EML5: variants seen among roughly 807,000 people sequenced by gnomAD.
EML5 encodes the protein echinoderm microtubule-associated protein-like 5.
Under a neutral mutation model 250.0 loss-of-function variants are expected in EML5, and 120 were observed. The ratio of observed to expected loss-of-function variants is 0.48; its 90% confidence interval spans 0.41 to 0.56. The LOEUF (loss-of-function observed/expected upper bound fraction) is 0.56, where lower values mean the gene tolerates loss of function less well. Among genes scored for constraint, EML5 ranks in the 20% least tolerant of loss-of-function variants. The pLI, the probability that EML5 is intolerant of heterozygous loss-of-function variation, is 0.00. For synonymous variants in EML5, 771 were observed against 806.5 expected (o/e 0.96, Z 0.75); for missense variants, 2,006 against 2,437.6 (o/e 0.82, Z 3.73).
At chr14:88,715,353 G>A (rs946025894) in intron 8 of EML5, among the ~76,000 whole-genome samples, 158 bp from the exon 9 acceptor site, 4 of 152,062 alleles carry the variant, frequency 2.6e-5, no homozygotes, top group Admixed American at 6.6e-5. Context: ...GCAACAATAC[G>A]TTGCTGAACA....
intron 19 of EML5, among the ~76,000 whole-genome samples, chr14:88,686,788 G>A (rs2092843259): frequency 6.6e-6 from 1 of 152,090 alleles, no homozygotes; most frequent in South Asian, 2.1e-4. Flanking sequence ...TCCAGCCTGG[G>A]CAGCACAGCA....
intron 22 of EML5, 70 bp downstream of exon 22, chr14:88,665,267 T>G: frequency 6.9e-7 from 1 of 1,455,260 alleles, no homozygotes; most frequent in Non-Finnish European, 9.2e-7. Context: ...TTAATAAAAA[T>G]TATACATTGA....
intron 32 of EML5, 83 bp from the exon 33 acceptor site, chr14:88,634,572 AACT>A (rs2090616783): frequency 1.3e-6 from 1 of 792,598 alleles, no homozygotes; most frequent in East Asian, 3.2e-5. Flanking sequence ...TTATAATTTA[AACT>A]ATTATATACA....
intron 8 of EML5, among the ~76,000 whole-genome samples, chr14:88,718,180 T>C (rs573483328): frequency 6.6e-6 from 1 of 152,234 alleles, no homozygotes. Context: ...GAGTTCAGTT[T>C]TGGAAATGCT....
At chr14:88,664,671 C>T (rs779784500) in intron 22 of EML5, 47 bp from the exon 23 acceptor site, 2 of 1,567,376 alleles carry the variant, frequency 1.3e-6, no homozygotes, top group Middle Eastern at 3.5e-4. Flanking sequence ...TTTGGAAATA[C>T]TTTTTTACAC....
At chr14:88,706,509 G>T in intron 10 of EML5, 83 bp from the exon 11 acceptor site, 5 of 1,003,954 alleles carry the variant, frequency 5.0e-6, no homozygotes, top group Non-Finnish European at 5.4e-6. Flanking sequence ...ATGAACCACT[G>T]TATCATCCTT....
At chr14:88,771,966 T>C (rs1373132180) in intron 1 of EML5, among the ~76,000 whole-genome samples, 1 of 152,156 alleles carries the variant, frequency 6.6e-6, no homozygotes, top group Non-Finnish European at 1.5e-5. Flanking sequence ...TTTAAATGCA[T>C]ATAGACTGTG....
chr14:88,661,400 T>C (rs1249384736), intron 25 of EML5, among the ~76,000 whole-genome samples: 1 of 152,216 alleles, frequency 6.6e-6, no homozygotes, highest in African/African-American at 2.4e-5. Flanking sequence ...CCAGCCAAGA[T>C]GTTTCTTGTA....
chr14:88,741,375 T>C (rs1342322995), intron 4 of EML5, among the ~76,000 whole-genome samples: 1 of 152,200 alleles, frequency 6.6e-6, no homozygotes, highest in Non-Finnish European at 1.5e-5. Flanking sequence ...AGCTGAGCAA[T>C]TGCTTTGCTT....
chr14:88,721,748 A>C (rs1375338821), intron 8 of EML5, among the ~76,000 whole-genome samples: 2 of 152,210 alleles, frequency 1.3e-5, no homozygotes, highest in African/African-American at 4.8e-5. Flanking sequence ...CAGCTGCAAC[A>C]AAACAAAAAT....
rs777055920 is a variant in EML5, at chr14:88,688,334, G to T, written c.2679C>A (p.Ile893=). The change falls in exon 18 of 44, where the codon ATC becomes ATA. Residue 893 remains isoleucine, a synonymous_variant. Transcript: ENST00000554922. ...GCGCTTTCACTGTTTTTACAAGAAA[G>T]ATGTCTCTCCAGATACACACATCTC... ...STGDVCIWRD[I]FLVKTVKAHD... is the part of the protein sequence containing the mutation. The T allele has an allele frequency of 1.2e-5, 19 of 1,613,942 alleles. No individual in the cohort carries two copies. The highest frequency in any genetic ancestry group is 1.5e-5 in the Non-Finnish European group (18 of 1,179,890).
rs370461834 is a variant in EML5 at position 88,763,536 on chromosome 14, C to T, written c.198-8865G>A. Among the ~76,000 whole-genome samples the T allele has an allele frequency of 2.0e-5, 3 of 152,090 alleles. No homozygotes were observed. The South Asian group carries it at 6.2e-4, about 32-fold the overall frequency. On this transcript the variant is annotated intron_variant, in intron 1 of 43. Transcript: ENST00000554922. Reference sequence around the variant, plus strand: ...TAATAGCCTACCAACCAAAAAAAAGCCCAGGACCAGACAGATTCACAGCCG... The same window carrying T: ...TAATAGCCTACCAACCAAAAAAAAGTCCAGGACCAGACAGATTCACAGCCG...
chr14:88,707,741 A>C (rs369220629), intron 10 of EML5, among the ~76,000 whole-genome samples: 6 of 152,136 alleles, frequency 3.9e-5, no homozygotes, highest in African/African-American at 7.2e-5. Flanking sequence ...TTTAGGAATA[A>C]ATTTTTTATG....
chr14:88,736,289 G>A, intron 7 of EML5, 75 bp downstream of exon 7: 1 of 1,537,668 alleles, frequency 6.5e-7, no homozygotes, highest in Non-Finnish European at 8.9e-7. Flanking sequence ...GTGAGCCACA[G>A]TGCCTGGCCA....
chr14:88,755,910 G>T (rs1010407236), intron 1 of EML5, among the ~76,000 whole-genome samples: 1 of 152,164 alleles, frequency 6.6e-6, no homozygotes, highest in African/African-American at 2.4e-5. Context: ...GAGGTGAGAA[G>T]ATCGCTTGAA....
intron 39 of EML5, chr14:88,619,458 G>C (rs1419892934): frequency 6.6e-6 from 1 of 152,204 alleles, no homozygotes; most frequent in Non-Finnish European, 1.5e-5. Flanking sequence ...TTCCCCCTTG[G>C]CCTCCCAAGG....
At chr14:88,774,385 T>C (rs1463151528) in intron 1 of EML5, among the ~76,000 whole-genome samples, 3 of 152,214 alleles carry the variant, frequency 2.0e-5, no homozygotes, top group African/African-American at 4.8e-5. Context: ...AGAAATGTTA[T>C]GAATACATAA....
At chr14:88,713,252 C>T (rs2093433994) in intron 9 of EML5, among the ~76,000 whole-genome samples, 1 of 151,790 alleles carries the variant, frequency 6.6e-6, no homozygotes, top group Non-Finnish European at 1.5e-5. Flanking sequence ...ATTAGCTGGG[C>T]ATGGTGGTGG....
At chr14:88,721,115 TA>T (rs2093582856) in intron 8 of EML5, among the ~76,000 whole-genome samples, 1 of 151,768 alleles carries the variant, frequency 6.6e-6, no homozygotes, top group South Asian at 2.1e-4. Context: ...CACAAGGAAA[TA>T]AAAGAGAACA....
Sources: allele counts gnomAD v4.1 joint callset (sites outside exome capture counted in the v4.1 genomes callset), GRCh38; gene constraint gnomAD v4.1.1; transcripts MANE v1.5; gene names NCBI Gene and HGNC (gene_info 2026-07-23, HGNC 2026-07-21).